NECAB1: variants seen among roughly 807,000 people sequenced by gnomAD.
NECAB1 encodes N-terminal EF-hand calcium-binding protein 1.
In NECAB1, 29 loss-of-function variants were observed where a neutral mutation model predicts 57.5. The ratio of observed to expected loss-of-function variants is 0.50; its 90% CI spans 0.38 to 0.69. The LOEUF (loss-of-function observed/expected upper bound fraction) is 0.69. Among genes scored for constraint, NECAB1 ranks in the 30% least tolerant of loss-of-function variants. The pLI, the probability that NECAB1 is intolerant of heterozygous loss-of-function variation, is 0.00. For synonymous variants in NECAB1, 142 were observed against 147.7 expected, an observed-to-expected ratio of 0.96 and a Z score of 0.28; for missense variants, 372 against 413.8, an observed-to-expected ratio of 0.90 and a Z score of 0.88.
At chr8:90,863,579 C>T (rs1440716869) in intron 3 of NECAB1, among the ~76,000 whole-genome samples, 2 of 151,964 alleles carry the variant, frequency 1.3e-5, no homozygotes, top group Admixed American at 6.6e-5. Flanking sequence ...TGGTGGAACC[C>T]CCTTATTAGC....
In NECAB1 at chr8:90,842,869, G is replaced by T. The variant is rs532515163; in HGVS notation, c.233+18044G>T. ...GGTACGTGATTATAAGTTCTAGAAA[G>T]GTTGCCTCAGAAAGTGGCAGGTAGG... On this transcript the variant is annotated intron_variant, in intron 3 of 12. Coordinates refer to ENST00000417640, the MANE Select transcript of NECAB1 (RefSeq NM_022351.5). Among the ~76,000 whole-genome samples, 15 of 152,306 alleles carry T rather than the reference G, an allele frequency of 9.8e-5. No homozygotes were observed. The South Asian group carries it at 1.9e-3, about 19-fold the overall frequency.
chr8:90,815,175 G>A (rs1233412056), intron 2 of NECAB1, among the ~76,000 whole-genome samples: 1 of 151,962 alleles, frequency 6.6e-6, no homozygotes, highest in Non-Finnish European at 1.5e-5. Flanking sequence ...GTATCAGAAT[G>A]TTTAACTCAT....
chr8:90,917,988 A>G (rs1810016172), intron 6 of NECAB1, among the ~76,000 whole-genome samples: 1 of 83,164 alleles, frequency 1.2e-5, no homozygotes, highest in Non-Finnish European at 2.1e-5. Context: ...ATATATATAC[A>G]TATATGTGTG....
chr8:90,934,044 C>A (rs1227979222), intron 8 of NECAB1, among the ~76,000 whole-genome samples: 1 of 152,120 alleles, frequency 6.6e-6, no homozygotes, highest in Non-Finnish European at 1.5e-5. Context: ...TTCCACTTTG[C>A]TCTCTAATGG....
rs1293893393 is a variant in NECAB1, at chr8:90,840,048, T to G, written c.233+15223T>G. On this transcript the variant is annotated intron_variant, in intron 3 of 12. Coordinates refer to ENST00000417640, the MANE Select transcript of NECAB1 (RefSeq NM_022351.5). ...GTCTTTCTGATTTTGCCTAAATCTT[T>G]CTGATCTGGAAAGCTTTTGAATAAG... Among the ~76,000 whole-genome samples the G allele has an allele frequency of 3.3e-5, 5 of 152,220 alleles. No individual in the cohort carries two copies. In the East Asian group the frequency reaches 7.7e-4, roughly 23 times the overall value.
chr8:90,914,899 C>T (rs1273219566), intron 5 of NECAB1, among the ~76,000 whole-genome samples: 3 of 152,184 alleles, frequency 2.0e-5, no homozygotes, highest in Admixed American at 6.5e-5. Context: ...AAATAAAAGA[C>T]ATGACCTTTC....
intron 12 of NECAB1, among the ~76,000 whole-genome samples, chr8:90,954,832 A>C (rs1810990702): frequency 6.7e-6 from 1 of 148,576 alleles, no homozygotes; most frequent in Admixed American, 6.8e-5. Flanking sequence ...TATATTATAC[A>C]TAAGCTGCAT....
chr8:90,879,987 G>A (rs1808807837), intron 4 of NECAB1, among the ~76,000 whole-genome samples: 1 of 152,092 alleles, frequency 6.6e-6, no homozygotes, highest in South Asian at 2.1e-4. Flanking sequence ...GTCCACCTGT[G>A]TTTATTTTCT....
At chr8:90,821,669 C>CA (rs1554563711) in intron 2 of NECAB1, among the ~76,000 whole-genome samples, 2 of 149,172 alleles carry the variant, frequency 1.3e-5, no homozygotes, top group Non-Finnish European at 3.0e-5. Context: ...TATAGCTAGA[C>CA]TTTTTTTTTT....
intron 6 of NECAB1, among the ~76,000 whole-genome samples, chr8:90,923,051 G>A (rs767655101): frequency 6.6e-6 from 1 of 152,132 alleles, no homozygotes; most frequent in East Asian, 1.9e-4. Context: ...AACTGAAGCA[G>A]GCAATGTAAG....
chr8:90,803,166 G>A lies in NECAB1; in HGVS notation c.124+1451G>A, dbSNP rs531465258. On this transcript the variant is annotated intron_variant, in intron 2 of 12. Transcript: ENST00000417640. Reference sequence around the variant, plus strand: ...CCCTCTTCGGCCTCCCAAAGTGCCGGGATTACAAGCATGGGCCACTGCACC... The same window carrying A: ...CCCTCTTCGGCCTCCCAAAGTGCCGAGATTACAAGCATGGGCCACTGCACC... Among the ~76,000 whole-genome samples the A allele has an allele frequency of 4.6e-5, 7 of 152,140 alleles. No individual in the cohort carries two copies. The South Asian group carries it at 6.2e-4, about 14-fold the overall frequency.
chr8:90,951,023 C>T (rs1810914349), intron 11 of NECAB1, 90 bp from the exon 12 acceptor site: 1 of 628,922 alleles, frequency 1.6e-6, no homozygotes, highest in Non-Finnish European at 2.5e-6. Flanking sequence ...TCATCCCAAA[C>T]TTTGCCATCT....
intron 5 of NECAB1, among the ~76,000 whole-genome samples, chr8:90,890,680 A>C (rs1443449513): frequency 6.6e-6 from 1 of 152,194 alleles, no homozygotes; most frequent in African/African-American, 2.4e-5. Context: ...TTTTTAAAGA[A>C]GTATTTTTAA....
At chr8:90,949,926 G>A (rs1810891921) in intron 11 of NECAB1, 42 bp downstream of exon 11, 9 of 1,186,904 alleles carry the variant, frequency 7.6e-6, no homozygotes, top group African/African-American at 1.5e-5. Flanking sequence ...AGCCAGGAAG[G>A]TGGCAATATG....
In NECAB1 at chr8:90,931,827, C is replaced by A. The variant is rs1313330676; in HGVS notation, c.694-2477C>A. Among the ~76,000 whole-genome samples the A allele has an allele frequency of 5.9e-5, 9 of 152,194 alleles. No individual in the cohort carries two copies. The East Asian group carries it at 1.7e-3, about 29-fold the overall frequency. The stretch of plus-strand genomic sequence containing the variant: ...GCTGAGGCAGGAGAATCGCTTGAAC[C>A]CCGGAGGGAGAGGTGGCAGTGAGCC... On this transcript the variant is annotated intron_variant, in intron 8 of 12. Coordinates refer to ENST00000417640, the MANE Select transcript of NECAB1 (RefSeq NM_022351.5).
Position 90,916,023 on chromosome 8 carries a change from GACTC to G in NECAB1, c.358-1467_358-1464del, listed in dbSNP as rs2130111172. ...GTGGGTCTGCCCCTCCTAGTCCACT[GACTC>G]AAATGTTAATCTCCTTTGGCAACAC... On this transcript the variant is annotated intron_variant, in intron 5 of 12. Coordinates refer to ENST00000417640, the MANE Select transcript of NECAB1 (RefSeq NM_022351.5). 3.9e-5 allele frequency among the ~76,000 whole-genome samples: 6 copies of G among 152,254 alleles called. 1 individual carries two copies. Among genetic ancestry groups the G allele is most frequent in the African/African-American group, 1.4e-4 (6 of 41,554 alleles).
intron 4 of NECAB1, among the ~76,000 whole-genome samples, chr8:90,875,591 T>C (rs1023761453): frequency 2.0e-5 from 3 of 151,188 alleles, no homozygotes; most frequent in African/African-American, 7.3e-5. Flanking sequence ...AGCCTTTCTG[T>C]AAGAAAGCTT....
intron 10 of NECAB1, among the ~76,000 whole-genome samples, chr8:90,943,698 C>T (rs747338882): frequency 6.6e-6 from 1 of 152,300 alleles, no homozygotes; most frequent in African/African-American, 2.4e-5. Context: ...GCACAAAATA[C>T]CTCCATAAAA....
intron 3 of NECAB1, among the ~76,000 whole-genome samples, chr8:90,867,331 C>A (rs938031974): frequency 6.6e-6 from 1 of 152,130 alleles, no homozygotes; most frequent in Non-Finnish European, 1.5e-5. Context: ...AGCTGCAAAC[C>A]ATTCTGAGGA....
Sources: gnomAD v4.1 joint callset for allele counts (sites outside exome capture counted in the v4.1 genomes callset) on GRCh38, gnomAD v4.1.1 for gene constraint, MANE v1.5 for transcripts, NCBI Gene and HGNC (gene_info 2026-07-23, HGNC 2026-07-21) for gene names.